The following SRGAP1 variants were observed in gnomAD, a reference collection of about 807,000 sequenced individuals.
The protein encoded by SRGAP1 is SLIT-ROBO Rho GTPase-activating protein 1.
SRGAP1 carries 43 observed loss-of-function variants against 121.9 expected under a neutral mutation model. That is an observed-to-expected ratio of 0.35 (90% confidence interval 0.28 to 0.46). The LOEUF is 0.46. SRGAP1 is among the 20% of genes least tolerant of loss of function. The pLI is 1.00. For synonymous variants in SRGAP1, 447 were observed against 485.4 expected, an observed-to-expected ratio of 0.92 and a Z score of 1.04; for missense variants, 1,102 against 1,350.9, an observed-to-expected ratio of 0.82 and a Z score of 2.89.
chr12:63,882,543 C>CA (rs1205514942), intron 1 of SRGAP1, among the ~76,000 whole-genome samples: 1 of 152,184 alleles, frequency 6.6e-6, no homozygotes, highest in Non-Finnish European at 1.5e-5. Context: ...CTCGGCCTCC[C>CA]AAAGTGCTGG....
intron 12 of SRGAP1, among the ~76,000 whole-genome samples, chr12:64,093,498 T>C (rs913059411): frequency 6.6e-6 from 1 of 152,170 alleles, no homozygotes; most frequent in East Asian, 1.9e-4. Flanking sequence ...TGTAAACTAA[T>C]GATCTCTTTT....
rs941047884 is a variant in SRGAP1 at position 64,132,242 on chromosome 12, G to A, written c.2880+4042G>A. ...TTGCTCCAAAATCCTAGAGGCCTCC[G>A]CTGTGATTCACCTATGGGGGCCTGC... On this transcript the variant is annotated intron_variant, in intron 21 of 21. Coordinates refer to ENST00000355086, the MANE Select transcript of SRGAP1 (RefSeq NM_020762.4). Among the ~76,000 whole-genome samples, 8 of 152,272 alleles carry A rather than the reference G, an allele frequency of 5.3e-5. No individual in the cohort carries two copies. In the South Asian group the frequency reaches 6.2e-4, roughly 12 times the overall value.
At chr12:63,988,510 C>A (rs2033474633) in intron 2 of SRGAP1, among the ~76,000 whole-genome samples, 1 of 152,110 alleles carries the variant, frequency 6.6e-6, no homozygotes, top group Non-Finnish European at 1.5e-5. Context: ...GTGCTAGGAG[C>A]CTAAATCAGG....
intron 6 of SRGAP1, among the ~76,000 whole-genome samples, chr12:64,058,369 G>T (rs2035382667): frequency 6.6e-6 from 1 of 152,166 alleles, no homozygotes; most frequent in Admixed American, 6.5e-5. Flanking sequence ...GTAACCCATT[G>T]TAAATTGAGG....
chr12:64,097,397 C>A, intron 15 of SRGAP1, 22 bp downstream of exon 15: 1 of 1,607,292 alleles, frequency 6.2e-7, no homozygotes, highest in Non-Finnish European at 8.5e-7. Flanking sequence ...TTTTTTTCAT[C>A]TTTTCCCACA....
At chr12:63,952,543 A>G (rs1010813202) in intron 1 of SRGAP1, among the ~76,000 whole-genome samples, 2 of 152,236 alleles carry the variant, frequency 1.3e-5, no homozygotes, top group Middle Eastern at 3.4e-3. Context: ...AAAGGAAGAA[A>G]AGAAAGAAAA....
chr12:63,985,302 G>T (rs891674018), intron 2 of SRGAP1, among the ~76,000 whole-genome samples: 3 of 152,186 alleles, frequency 2.0e-5, no homozygotes, highest in African/African-American at 7.2e-5. Flanking sequence ...CTGGCTAAGG[G>T]ATGTACAGCA....
intron 1 of SRGAP1, among the ~76,000 whole-genome samples, chr12:63,886,668 T>C (rs1900396016): frequency 6.6e-6 from 1 of 151,916 alleles, no homozygotes; most frequent in Admixed American, 6.6e-5. Flanking sequence ...TATGGGATTC[T>C]GCCATGTTCC....
At chr12:63,933,061 G>A (rs575737756) in intron 1 of SRGAP1, among the ~76,000 whole-genome samples, 172 of 152,212 alleles carry the variant, frequency 1.1e-3, no homozygotes, top group South Asian at 6.7e-3. Context: ...GGTGGTGTGC[G>A]CCTGTAGTCC....
At chr12:63,953,213 G>T (rs1244280113) in intron 1 of SRGAP1, among the ~76,000 whole-genome samples, 1 of 152,164 alleles carries the variant, frequency 6.6e-6, no homozygotes, top group Non-Finnish European at 1.5e-5. Context: ...GTACTGGAAA[G>T]TGGGGAGAAA....
Position 64,082,782 on chromosome 12 carries a change from G to A in SRGAP1, c.1408+2412G>A, listed in dbSNP as rs564239350. 3.3e-5 allele frequency among the ~76,000 whole-genome samples: 5 copies of A among 152,076 alleles called. No homozygotes were observed. In the East Asian group the frequency reaches 9.6e-4, roughly 29 times the overall value. Reference sequence around the variant, plus strand: ...TTTATCTTGGAATTTTTTTCAACGGGCTCTGGTATACCAGGGACACAAGCT... The same window carrying A: ...TTTATCTTGGAATTTTTTTCAACGGACTCTGGTATACCAGGGACACAAGCT... On this transcript the variant is annotated intron_variant, in intron 10 of 21. Coordinates refer to ENST00000355086, the MANE Select transcript of SRGAP1 (RefSeq NM_020762.4).
At chr12:63,981,949 C>T (rs1198823622) in intron 1 of SRGAP1, among the ~76,000 whole-genome samples, 2 of 151,686 alleles carry the variant, frequency 1.3e-5, no homozygotes, top group East Asian at 2.0e-4. Context: ...CGCGGTGGCT[C>T]ACGCCTGTAA....
intron 1 of SRGAP1, among the ~76,000 whole-genome samples, chr12:63,913,480 T>TATATATATGG (rs1555238834): frequency 0.14 from 15,093 of 107,064 alleles, 958 homozygotes; most frequent in East Asian, 0.22. Flanking sequence ...TATATATGGA[T>TATATATATGG]ATATATATAT....
At chr12:63,923,926 G>A (rs1427777881) in intron 1 of SRGAP1, among the ~76,000 whole-genome samples, 1 of 152,210 alleles carries the variant, frequency 6.6e-6, no homozygotes, top group African/African-American at 2.4e-5. Context: ...CGGATCACCT[G>A]AGGTCAGGAG....
chr12:64,125,022 G>T (rs1043116571), intron 18 of SRGAP1, among the ~76,000 whole-genome samples: 2 of 152,054 alleles, frequency 1.3e-5, no homozygotes, highest in African/African-American at 4.8e-5. Context: ...CACATGTATA[G>T]CTTTGTGTGA....
At chr12:64,123,613 T>G (rs2036637334) in intron 18 of SRGAP1, among the ~76,000 whole-genome samples, 1 of 151,916 alleles carries the variant, frequency 6.6e-6, no homozygotes. Flanking sequence ...TGTTAACATA[T>G]AATCTAAAAG....
At chr12:63,881,343 C>A (rs117482260) in intron 1 of SRGAP1, among the ~76,000 whole-genome samples, 1 of 152,100 alleles carries the variant, frequency 6.6e-6, no homozygotes, top group South Asian at 2.1e-4. Flanking sequence ...ATTTCACCTG[C>A]GTAATAACAG....
intron 1 of SRGAP1, among the ~76,000 whole-genome samples, chr12:63,934,533 C>T (rs2031592941): frequency 6.6e-6 from 1 of 152,188 alleles, no homozygotes; most frequent in Non-Finnish European, 1.5e-5. Context: ...ATATGCACAA[C>T]CCACTTTGCA....
chr12:64,150,622 G>A lies in SRGAP1; in HGVS notation c.*7950G>A, dbSNP rs893545776. ...ACATTAACTCAAAAATGAAGTTTGAGGTTCTGGGCCTTTGATGGACTGCAT... is the reference window on the plus strand; with the variant it reads ...ACATTAACTCAAAAATGAAGTTTGAAGTTCTGGGCCTTTGATGGACTGCAT... On this transcript the variant is annotated 3_prime_UTR_variant, in exon 22 of 22. Transcript: ENST00000355086. 1 of 152,048 alleles carries A rather than the reference G, an allele frequency of 6.6e-6. No homozygotes were observed. The highest frequency in any genetic ancestry group is 6.6e-5 in the Admixed American group (1 of 15,260). The allele number at this position is 152,048 out of a possible 1,614,324, so 9.4% of individuals were successfully genotyped here. A position where few individuals can be genotyped will look rare whatever the true frequency, so the allele number is the denominator to read the frequency against.
Sources: gnomAD v4.1 joint callset for allele counts (sites outside exome capture counted in the v4.1 genomes callset) on GRCh38, gnomAD v4.1.1 for gene constraint, MANE v1.5 for transcripts, NCBI Gene and HGNC (gene_info 2026-07-23, HGNC 2026-07-21) for gene names.